CFLAR: variants seen among roughly 807,000 people sequenced by gnomAD.
CFLAR encodes the protein CASP8 and FADD like apoptosis regulator, also known as CASP8 and FADD-like apoptosis regulator.
CFLAR carries 14 observed loss-of-function variants against 51.1 expected under a neutral mutation model. The ratio of observed to expected loss-of-function variants is 0.27; its 90% CI spans 0.18 to 0.43. CFLAR has a LOEUF of 0.43. CFLAR is among the 20% of genes least tolerant of loss of function. CFLAR has a pLI of 1.00. For synonymous variants in CFLAR, 210 were observed against 211.6 expected (o/e 0.99, Z 0.06); for missense variants, 390 against 566.5 (o/e 0.69, Z 3.16).
At position 201,166,626 on chromosome 2, in the gene CFLAR, C is replaced by T. The variant is rs752166726; in HGVS notation, c.*2653C>T. The T allele has an allele frequency of 3.3e-5, 6 of 179,116 alleles. No individual in the cohort carries two copies. Among genetic ancestry groups the T allele is most frequent in the East Asian group, 1.8e-4 (1 of 5,690 alleles). 11.1% of individuals were successfully genotyped at this position (179,116 alleles called of 1,614,324 possible). On this transcript the variant is annotated 3_prime_UTR_variant, in exon 10 of 10. Transcript: ENST00000309955. ...GGGGCCAAGGCAGGCGGCTGGGAGG[C>T]GGAGGCCGTAGCCAGCTGAGATCAC...
intron 9 of CFLAR, among the ~76,000 whole-genome samples, chr2:201,161,697 G>A (rs970376671): frequency 1.3e-5 from 2 of 149,948 alleles, no homozygotes; most frequent in Admixed American, 6.7e-5. Context: ...TTACAAGCGT[G>A]AGCCACTGCG....
intron 9 of CFLAR, 124 bp from the exon 10 acceptor site, chr2:201,163,711 G>A (rs1943280022): frequency 6.8e-7 from 1 of 1,478,136 alleles, no homozygotes; most frequent in Non-Finnish European, 9.0e-7. Context: ...TAAGCAGCTT[G>A]TGGTGCCTTC....
Position 201,133,124 on chromosome 2 carries a change from G to C in CFLAR, c.377G>C (p.Ser126Thr). Reference protein sequence around the residue: ...MKDYMGRGKISKEKSFLDLVV... With the variant: ...MKDYMGRGKITKEKSFLDLVV... The stretch of plus-strand genomic sequence containing the variant: ...GATTACATGGGCCGAGGCAAGATAA[G>C]CAAGGAGAAGGTGAGTTTTCTTCTT... The change falls in exon 3 of 10, where the codon AGC (serine) becomes ACC (threonine). Residue 126 changes from serine (S) to threonine (T), a missense_variant. Ser to Thr is a moderately conservative substitution (Grantham distance 58). This residue lies in a region of CFLAR where 103 missense variants were observed against 202.9 expected (regional missense o/e 0.51). Transcript: ENST00000309955. 1 of 1,612,468 alleles carries C rather than the reference G, an allele frequency of 6.2e-7. No homozygotes were observed. Among genetic ancestry groups the C allele is most frequent in the Admixed American group, 1.7e-5 (1 of 60,004 alleles).
rs769109133 is a variant in CFLAR at position 201,175,072 on chromosome 2, C to G, written c.*11099C>G. Reference sequence around the variant, plus strand: ...TATGGTCTAAAAGGTCCAGACCTCCCCACTTCTTTCCTGGAAAACTCATGA... The same window carrying G: ...TATGGTCTAAAAGGTCCAGACCTCCGCACTTCTTTCCTGGAAAACTCATGA... On this transcript the variant is annotated 3_prime_UTR_variant, in exon 10 of 10. Coordinates refer to ENST00000309955, the MANE Select transcript of CFLAR (RefSeq NM_003879.7). 1.3e-5 allele frequency: 2 copies of G among 152,186 alleles called. No individual in the cohort carries two copies. Among genetic ancestry groups the G allele is most frequent in the African/African-American group, 2.4e-5 (1 of 41,430 alleles). The allele number at this position is 152,186 out of a possible 1,614,324, so 9.4% of individuals were successfully genotyped here.
In CFLAR at chr2:201,121,350, C is replaced by T. The variant is rs575853349; in HGVS notation, c.-138+4869C>T. Among the ~76,000 whole-genome samples the T allele has an allele frequency of 3.3e-5, 5 of 152,242 alleles. No individual in the cohort carries two copies. In the East Asian group the frequency reaches 7.7e-4, roughly 24 times the overall value. On this transcript the variant is annotated intron_variant, in intron 1 of 9. Coordinates refer to ENST00000309955, the MANE Select transcript of CFLAR (RefSeq NM_003879.7). Reference sequence around the variant, plus strand: ...GCTGTCTGCCTAGGCTTTCTGTAAACGTGCTGGCTATCATTCAGCCTAAAT... The same window carrying T: ...GCTGTCTGCCTAGGCTTTCTGTAAATGTGCTGGCTATCATTCAGCCTAAAT...
At chr2:201,141,502 A>G in intron 5 of CFLAR, 2 of 1,519,338 alleles carry the variant, frequency 1.3e-6, no homozygotes, top group Non-Finnish European at 1.8e-6. Flanking sequence ...AATGTGTTAT[A>G]ATGTGTTTAG....
intron 8 of CFLAR, 76 bp from the exon 9 acceptor site, chr2:201,160,356 T>G: frequency 6.9e-7 from 1 of 1,454,674 alleles, no homozygotes; most frequent in Non-Finnish European, 9.3e-7. Context: ...AGACCATGTC[T>G]AGGATTCCTA....
At chr2:201,143,089 GT>G (rs1438462862) in intron 5 of CFLAR, among the ~76,000 whole-genome samples, 1 of 152,056 alleles carries the variant, frequency 6.6e-6, no homozygotes, top group African/African-American at 2.4e-5. Context: ...TTACTATTGT[GT>G]TTCTATTTTG....
Position 201,155,507 on chromosome 2 carries a change from G to A in CFLAR, c.794-4925G>A, listed in dbSNP as rs1366380950. ...TTGAACTCCTGACCTCAGGTGATCC[G>A]CCCGCCTCGGCCTCCCAAAGTGCTG... On this transcript the variant is annotated intron_variant, in intron 8 of 9. Transcript: ENST00000309955. Among the ~76,000 whole-genome samples, 6 of 152,096 alleles carry A rather than the reference G, an allele frequency of 3.9e-5. No homozygotes were observed. In the East Asian group the frequency reaches 5.8e-4, roughly 15 times the overall value.
rs1559281542 is a variant in CFLAR, at chr2:201,171,721, T to C, written c.*7748T>C. On this transcript the variant is annotated 3_prime_UTR_variant, in exon 10 of 10. Coordinates refer to ENST00000309955, the MANE Select transcript of CFLAR (RefSeq NM_003879.7). ...ATTCTTCAATGCATACACAATAAAA[T>C]TGCAGTTCAGTCAAACATTGGAAGT... 1 of 151,962 alleles carries C rather than the reference T, an allele frequency of 6.6e-6. No homozygotes were observed. The highest frequency in any genetic ancestry group is 1.5e-5 in the Non-Finnish European group (1 of 68,000). 9.4% of individuals were successfully genotyped at this position (151,962 alleles called of 1,614,324 possible).
chr2:201,145,971 CT>C (rs547118436), intron 6 of CFLAR, among the ~76,000 whole-genome samples: 199 of 145,268 alleles, frequency 1.4e-3, no homozygotes, highest in African/African-American at 1.3e-3. Flanking sequence ...AAAGATTACT[CT>C]TTTTTTTTTT....
chr2:201,120,023 CTTTTTTTT>C (rs34076189), intron 1 of CFLAR, among the ~76,000 whole-genome samples: 36 of 112,326 alleles, frequency 3.2e-4, no homozygotes, highest in Admixed American at 8.4e-4. Context: ...CTTTTCTTTT[CTTTTTTTT>C]TTTTTTTTTT....
rs1171793848 is a variant in CFLAR, at chr2:201,170,024, A to G, written c.*6051A>G. 2 of 152,240 alleles carry G rather than the reference A, an allele frequency of 1.3e-5. No individual in the cohort carries two copies. The highest frequency in any genetic ancestry group is 4.8e-5 in the African/African-American group (2 of 41,460). The allele number at this position is 152,240 out of a possible 1,614,324, so 9.4% of individuals were successfully genotyped here. A position where few individuals can be genotyped will look rare whatever the true frequency, so the allele number is the denominator to read the frequency against. ...GTTGGTGGGAATGTAAATTAGTTCA[A>G]CCGTTGTGGAAGTGTGTGTGGCTAT... On this transcript the variant is annotated 3_prime_UTR_variant, in exon 10 of 10. Coordinates refer to ENST00000309955, the MANE Select transcript of CFLAR (RefSeq NM_003879.7).
chr2:201,141,560 T>C, intron 5 of CFLAR: 1 of 1,310,204 alleles, frequency 7.6e-7, no homozygotes, highest in Non-Finnish European at 9.8e-7. Context: ...CTTTTGTTAC[T>C]ACTAATAATG....
rs1943281577 is a variant in CFLAR, at chr2:201,163,722, A to C, written c.1305-113A>C. 5 of 1,495,194 alleles carry C rather than the reference A, an allele frequency of 3.3e-6. No homozygotes were observed. The African/African-American group carries it at 7.0e-5, about 21-fold the overall frequency. 92.6% of individuals were successfully genotyped at this position (1,495,194 alleles called of 1,614,324 possible). On this transcript the variant is annotated intron_variant, in intron 9 of 9. Transcript: ENST00000309955. ...TTGCTAAGCAGCTTGTGGTGCCTTC[A>C]GAAAGGAACAGTTTCAAAGAACTTT...
intron 8 of CFLAR, among the ~76,000 whole-genome samples, chr2:201,150,731 A>C (rs935537810): frequency 2.0e-5 from 3 of 152,144 alleles, no homozygotes; most frequent in Non-Finnish European, 4.4e-5. Context: ...ACCAGGCCTA[A>C]AAGTGATAAT....
rs897911282 is a variant in CFLAR, at chr2:201,130,291, T to G, written c.281+145T>G. 7 of 585,916 alleles carry G rather than the reference T, an allele frequency of 1.2e-5. No homozygotes were observed. The African/African-American group carries it at 1.3e-4, about 11-fold the overall frequency. The allele number at this position is 585,916 out of a possible 1,614,324, so 36.3% of individuals were successfully genotyped here. On this transcript the variant is annotated intron_variant, in intron 2 of 9. Coordinates refer to ENST00000309955, the MANE Select transcript of CFLAR (RefSeq NM_003879.7). ...TTATCCAACTGCCAGATGATGTCACTTCATTCCTGTGAGCCCTTTAAATTC... is the reference window on the plus strand; with the variant it reads ...TTATCCAACTGCCAGATGATGTCACGTCATTCCTGTGAGCCCTTTAAATTC...
chr2:201,141,360 T>C, intron 5 of CFLAR: 1 of 1,553,150 alleles, frequency 6.4e-7, no homozygotes, highest in Non-Finnish European at 8.7e-7. Flanking sequence ...TTTTTGCTTT[T>C]TTCTCTTCTA....
rs2047634093 is a variant in CFLAR, at chr2:201,116,767, C to G, written c.-138+286C>G. 1 of 152,292 alleles carries G rather than the reference C, an allele frequency of 6.6e-6. No individual in the cohort carries two copies. The highest frequency in any genetic ancestry group is 6.5e-5 in the Admixed American group (1 of 15,288). 9.4% of individuals were successfully genotyped at this position (152,292 alleles called of 1,614,324 possible). ...GAATGCCCCCGCTTCCGTTTCCGCC[C>G]GGCTCCGAACCCCCGAACCCCTTCT... On this transcript the variant is annotated intron_variant, in intron 1 of 9. Transcript: ENST00000309955. The surrounding 1 kb of genome is among the most constrained non-coding windows in gnomAD (Gnocchi z 4.8).
Sources: allele counts gnomAD v4.1 joint callset (sites outside exome capture counted in the v4.1 genomes callset), GRCh38; gene constraint gnomAD v4.1.1; regional missense constraint gnomAD v4.1.1; non-coding constraint Gnocchi (gnomAD v3.1); transcripts MANE v1.5; gene names NCBI Gene and HGNC (gene_info 2026-07-23, HGNC 2026-07-21).